Variants in FILIP1 observed in about 807,000 individuals in gnomAD.
The protein encoded by FILIP1 is filamin-A-interacting protein 1.
Under a neutral mutation model 102.1 loss-of-function variants are expected in FILIP1, and 61 were observed. The ratio of observed to expected loss-of-function variants is 0.60; its 90% CI spans 0.49 to 0.74. The LOEUF is 0.74. FILIP1 is among the 30% of genes least tolerant of loss of function. The probability of loss-of-function intolerance (pLI) is 0.00; values close to 1 mark genes in which losing one functional copy is unlikely to be tolerated. For synonymous variants in FILIP1, 491 were observed against 526.9 expected (o/e 0.93, Z 0.93); for missense variants, 1,314 against 1,441.2 (o/e 0.91, Z 1.43).
chr6:75,442,252 C>G (rs990185561), intron 1 of FILIP1, among the ~76,000 whole-genome samples: 1 of 151,712 alleles, frequency 6.6e-6, no homozygotes, highest in Non-Finnish European at 1.5e-5. Context: ...CGGGCAGAGA[C>G]GCTCCTCACT....
intron 4 of FILIP1, among the ~76,000 whole-genome samples, chr6:75,326,813 C>T (rs2149572215): frequency 6.6e-6 from 1 of 152,296 alleles, no homozygotes; most frequent in Non-Finnish European, 1.5e-5. Flanking sequence ...CTCAGGTTTG[C>T]CAGACTCTGT....
At chr6:75,384,717 C>G (rs1251936175) in intron 2 of FILIP1, 1 of 151,546 alleles carries the variant, frequency 6.6e-6, no homozygotes, top group Non-Finnish European at 1.5e-5. Context: ...TTTTGACCAT[C>G]TAATTGGCTC....
At chr6:75,323,077 G>A (rs1239201595) in intron 4 of FILIP1, among the ~76,000 whole-genome samples, 2 of 152,216 alleles carry the variant, frequency 1.3e-5, no homozygotes, top group Non-Finnish European at 2.9e-5. Context: ...GACTTTAAAA[G>A]TGTGGGCCCA....
chr6:75,460,676 T>G (rs111320496), intron 1 of FILIP1, among the ~76,000 whole-genome samples: 2 of 152,332 alleles, frequency 1.3e-5, no homozygotes, highest in African/African-American at 4.8e-5. Context: ...AAATGGTAAT[T>G]TAGCCTCTAT....
At chr6:75,319,756 G>C (rs1432168765) in intron 4 of FILIP1, 1 of 310,840 alleles carries the variant, frequency 3.2e-6, no homozygotes, top group South Asian at 3.7e-5. Flanking sequence ...TGTGAACCCG[G>C]GGGGCGGAGC....
chr6:75,408,213 C>G (rs1776938714), intron 2 of FILIP1, among the ~76,000 whole-genome samples: 1 of 152,180 alleles, frequency 6.6e-6, no homozygotes, highest in Non-Finnish European at 1.5e-5. Flanking sequence ...GAAACCATCC[C>G]AGCTACTTCA....
At chr6:75,347,348 G>C (rs1339884289) in intron 4 of FILIP1, among the ~76,000 whole-genome samples, 1 of 152,148 alleles carries the variant, frequency 6.6e-6, no homozygotes, top group Non-Finnish European at 1.5e-5. Context: ...GCTTATCAGA[G>C]GTCAATAAAA....
chr6:75,421,019 C>T (rs1562575774), intron 1 of FILIP1, among the ~76,000 whole-genome samples: 2 of 152,120 alleles, frequency 1.3e-5, no homozygotes, highest in Non-Finnish European at 1.5e-5. Flanking sequence ...TTTAGATACA[C>T]TTGTTGTTAA....
chr6:75,292,069 T>A (rs1009170003), exon 7 of FILIP1: 99 of 152,342 alleles, frequency 6.5e-4, no homozygotes, highest in African/African-American at 2.3e-3. Flanking sequence ...ATATAAAAGA[T>A]AAGTACATAT....
intron 2 of FILIP1, chr6:75,363,144 C>T: frequency 7.4e-6 from 3 of 407,260 alleles, no homozygotes; most frequent in South Asian, 4.2e-5. Context: ...AGGATTTGTG[C>T]TAATATTAAC....
intron 5 of FILIP1, among the ~76,000 whole-genome samples, chr6:75,311,003 A>C (rs1773163446): frequency 6.6e-6 from 1 of 152,156 alleles, no homozygotes; most frequent in South Asian, 2.1e-4. Flanking sequence ...TGTCTTTCTT[A>C]AGAGGTTTCA....
At chr6:75,454,910 A>G (rs1383190850) in intron 1 of FILIP1, 1 of 152,184 alleles carries the variant, frequency 6.6e-6, no homozygotes, top group African/African-American at 2.4e-5. Flanking sequence ...GGAGCAGGGG[A>G]AAAAAAAGAA....
chr6:75,318,941 T>C (rs1343475824), intron 4 of FILIP1, among the ~76,000 whole-genome samples: 1 of 152,158 alleles, frequency 6.6e-6, no homozygotes, highest in Non-Finnish European at 1.5e-5. Context: ...CAGCTTTACA[T>C]TTCAATTTTT....
chr6:75,326,095 T>TAGATAGATAGATAGATAGATAGATTAGA (rs1554200298), intron 4 of FILIP1, among the ~76,000 whole-genome samples: 11 of 144,946 alleles, frequency 7.6e-5, no homozygotes, highest in African/African-American at 2.8e-4. Context: ...GATAGATAGA[T>TAGATAGATAGATAGATAGATAGATTAGA]TAGATAGATA....
chr6:75,299,082 A>C (rs1288609189), intron 6 of FILIP1, among the ~76,000 whole-genome samples: 1 of 152,018 alleles, frequency 6.6e-6, no homozygotes, highest in African/African-American at 2.4e-5. Context: ...AAAAAAAAAA[A>C]CAGACTTGAA....
At chr6:75,454,137 C>T (rs1326784019) in intron 1 of FILIP1, among the ~76,000 whole-genome samples, 1 of 152,170 alleles carries the variant, frequency 6.6e-6, no homozygotes, top group Middle Eastern at 3.2e-3. Flanking sequence ...ACTGGAGGCT[C>T]TGCGAAGAAC....
chr6:75,380,078 G>A (rs536622687), intron 2 of FILIP1, among the ~76,000 whole-genome samples: 1 of 152,044 alleles, frequency 6.6e-6, no homozygotes, highest in Non-Finnish European at 1.5e-5. Context: ...AATATTTGCT[G>A]GATGAATGAA....
At chr6:75,349,287 G>A (rs368439369) in intron 4 of FILIP1, among the ~76,000 whole-genome samples, 2 of 152,216 alleles carry the variant, frequency 1.3e-5, no homozygotes, top group African/African-American at 2.4e-5. Flanking sequence ...TTACAGAGCA[G>A]GACAAATGTG....
At chr6:75,475,217 G>A (rs1779440184) in intron 1 of FILIP1, among the ~76,000 whole-genome samples, 1 of 152,170 alleles carries the variant, frequency 6.6e-6, no homozygotes, top group African/African-American at 2.4e-5. Flanking sequence ...ATAAATCAAT[G>A]CTTATTTGAA....
Sources: allele counts gnomAD v4.1 joint callset (sites outside exome capture counted in the v4.1 genomes callset), GRCh38; gene constraint gnomAD v4.1.1; transcripts MANE v1.5; gene names NCBI Gene and HGNC (gene_info 2026-07-23, HGNC 2026-07-21).